The following ENOX2 variants were observed in gnomAD, a reference collection of about 807,000 sequenced individuals.
The protein encoded by ENOX2 is APK1 antigen.
A neutral mutation model predicts 45.0 loss-of-function variants in ENOX2; 36 were observed. The observed-to-expected ratio is 0.80, with a 90% CI of 0.61 to 1.06. The LOEUF (loss-of-function observed/expected upper bound fraction) is 1.06, where lower values mean the gene tolerates loss of function less well. Among genes scored for constraint, ENOX2 ranks in the 50% least tolerant of loss-of-function variants. ENOX2 has a pLI of 0.00. For synonymous variants in ENOX2, 174 were observed against 152.3 expected, an observed-to-expected ratio of 1.14 and a Z score of -1.05; for missense variants, 423 against 462.5, an observed-to-expected ratio of 0.91 and a Z score of 0.78.
At chrX:130,696,634 C>T (rs770711677) in intron 4 of ENOX2, among the ~76,000 whole-genome samples, 101 of 111,877 alleles carry the variant, frequency 9.0e-4, no homozygotes, top group African/African-American at 3.1e-3. Context: ...TTGCCATAAA[C>T]GGGTCCTGGC....
chrX:130,640,451 G>A (rs2036049596), intron 10 of ENOX2, among the ~76,000 whole-genome samples: 1 of 112,182 alleles, frequency 8.9e-6, no homozygotes, highest in Non-Finnish European at 1.9e-5. Context: ...ACACATGCAT[G>A]AGTATGTTCA....
At chrX:130,870,690 C>T (rs2078564407) in intron 2 of ENOX2, among the ~76,000 whole-genome samples, 1 of 111,744 alleles carries the variant, frequency 8.9e-6, no homozygotes, top group Non-Finnish European at 1.9e-5. Flanking sequence ...TTAACACACA[C>T]CTTGCCAATT....
At chrX:130,895,609 G>T (rs985158307) in intron 2 of ENOX2, among the ~76,000 whole-genome samples, 3 of 112,376 alleles carry the variant, frequency 2.7e-5, no homozygotes, top group Non-Finnish European at 5.6e-5. Context: ...TTGTTAAAGT[G>T]TGGTCACTGA....
intron 3 of ENOX2, among the ~76,000 whole-genome samples, chrX:130,726,934 C>T (rs992582220): frequency 8.9e-6 from 1 of 112,335 alleles, no homozygotes; most frequent in African/African-American, 3.2e-5. Flanking sequence ...GGGCCTGGCT[C>T]GTGGTCTAGG....
chrX:130,892,629 T>C (rs777113784), intron 2 of ENOX2, among the ~76,000 whole-genome samples: 1 of 112,822 alleles, frequency 8.9e-6, no homozygotes, highest in African/African-American at 3.2e-5. Flanking sequence ...GTCTATGGAA[T>C]GTGTGCCTTG....
intron 3 of ENOX2, among the ~76,000 whole-genome samples, chrX:130,770,357 G>T (rs2039710071): frequency 9.0e-6 from 1 of 111,454 alleles, no homozygotes; most frequent in Non-Finnish European, 1.9e-5. Context: ...TGTGACACTG[G>T]GGCTGCTCTG....
chrX:130,809,788 C>T (rs894363494), intron 2 of ENOX2, among the ~76,000 whole-genome samples: 2 of 109,598 alleles, frequency 1.8e-5, no homozygotes, highest in African/African-American at 6.7e-5. Context: ...TGTGTATCTG[C>T]AGAAAAGAGG....
intron 2 of ENOX2, among the ~76,000 whole-genome samples, chrX:130,826,098 T>C (rs2077715226): frequency 9.0e-6 from 1 of 111,323 alleles, no homozygotes; most frequent in African/African-American, 3.3e-5. Context: ...AAAAAAGGAC[T>C]ACTGTATACC....
chrX:130,713,000 A>G (rs2038233235), intron 3 of ENOX2, among the ~76,000 whole-genome samples: 1 of 112,430 alleles, frequency 8.9e-6, no homozygotes, highest in Non-Finnish European at 1.9e-5. Flanking sequence ...GAGACAAGTG[A>G]TATTTATCAT....
chrX:130,710,354 A>G (rs984146757), intron 3 of ENOX2, among the ~76,000 whole-genome samples: 2 of 112,390 alleles, frequency 1.8e-5, no homozygotes, highest in African/African-American at 6.5e-5. Context: ...ATTTGAGCTG[A>G]GGGCTCTAGA....
chrX:130,697,923 A>G (rs972308942), intron 4 of ENOX2, among the ~76,000 whole-genome samples: 6 of 111,825 alleles, frequency 5.4e-5, no homozygotes, highest in South Asian at 3.8e-4. Context: ...AAATGTTTCC[A>G]AGAGAAAACA....
At chrX:130,632,536 A>C (rs1383466960) in intron 12 of ENOX2, among the ~76,000 whole-genome samples, 1 of 111,547 alleles carries the variant, frequency 9.0e-6, no homozygotes, top group East Asian at 2.8e-4. Context: ...GGAATAAAAG[A>C]AATCACTGCT....
At chrX:130,751,656 G>A (rs1230715445) in intron 3 of ENOX2, among the ~76,000 whole-genome samples, 3 of 112,009 alleles carry the variant, frequency 2.7e-5, no homozygotes, top group East Asian at 2.8e-4. Context: ...CTAAGTGGCT[G>A]AACCATTTTA....
At chrX:130,653,493 C>T (rs1045731854) in intron 10 of ENOX2, among the ~76,000 whole-genome samples, 3 of 110,735 alleles carry the variant, frequency 2.7e-5, no homozygotes, top group African/African-American at 9.8e-5. Context: ...ACTTTGAGCC[C>T]CGACCCTTTT....
chrX:130,800,568 T>G (rs949353309), intron 2 of ENOX2, among the ~76,000 whole-genome samples: 1 of 112,062 alleles, frequency 8.9e-6, no homozygotes, highest in East Asian at 2.8e-4. Flanking sequence ...AATGTCTTTT[T>G]TTTTAAGCTC....
In ENOX2 at chrX:130,716,958, C is replaced by T. The variant is rs1293019077; in HGVS notation, c.-38-13704G>A. 1.8e-4 allele frequency among the ~76,000 whole-genome samples: 20 copies of T among 111,683 alleles called. 1 individual carries two copies. In the Middle Eastern group the frequency reaches 0.013, roughly 70 times the overall value. On this transcript the variant is annotated intron_variant, in intron 3 of 14. Transcript: ENST00000394363. ...TGTGGTGTGTGTGTGTGTTTATTGG[C>T]ATTAACATGGAGGAGACATAAGCTG...
chrX:130,878,466 G>A (rs1263747909), intron 2 of ENOX2, among the ~76,000 whole-genome samples: 3 of 111,276 alleles, frequency 2.7e-5, no homozygotes, highest in East Asian at 2.8e-4. Flanking sequence ...TCATATTTCT[G>A]CCTGTGCTTA....
chrX:130,701,066 T>C (rs1260515200), intron 4 of ENOX2, among the ~76,000 whole-genome samples: 1 of 112,221 alleles, frequency 8.9e-6, no homozygotes, highest in Admixed American at 9.5e-5. Context: ...TAGGCCTTTC[T>C]TTTCCATGTT....
intron 2 of ENOX2, among the ~76,000 whole-genome samples, chrX:130,855,121 A>C (rs1360854087): frequency 9.0e-6 from 1 of 111,458 alleles, no homozygotes; most frequent in Non-Finnish European, 1.9e-5. Flanking sequence ...AATAAAGTTC[A>C]CTCTATTTGC....
Sources: allele counts gnomAD v4.1 joint callset (sites outside exome capture counted in the v4.1 genomes callset), GRCh38; gene constraint gnomAD v4.1.1; transcripts MANE v1.5; gene names NCBI Gene and HGNC (gene_info 2026-07-23, HGNC 2026-07-21).